Variants in ARHGAP28 observed in about 807,000 individuals in gnomAD.
The protein encoded by ARHGAP28 is rho GTPase-activating protein 28.
A neutral mutation model predicts 90.7 loss-of-function variants in ARHGAP28; 56 were observed. That is an observed-to-expected ratio of 0.62 (90% CI 0.50 to 0.77). The LOEUF (loss-of-function observed/expected upper bound fraction) is 0.77, where lower values mean the gene tolerates loss of function less well. ARHGAP28 is among the 30% of genes least tolerant of loss of function. The pLI, the probability that ARHGAP28 is intolerant of heterozygous loss-of-function variation, is 0.00. For missense variants in ARHGAP28, 869 were observed against 900.9 expected (o/e 0.96, Z 0.45); for synonymous variants, 308 against 323.3 (o/e 0.95, Z 0.51).
intron 5 of ARHGAP28, among the ~76,000 whole-genome samples, chr18:6,863,850 T>C (rs925304737): frequency 5.4e-4 from 81 of 151,338 alleles, no homozygotes; most frequent in African/African-American, 1.9e-3. Flanking sequence ...TGGCGCGATC[T>C]CGGCTCACTG....
chr18:6,846,662 C>T (rs900290383), intron 3 of ARHGAP28, among the ~76,000 whole-genome samples: 1 of 152,316 alleles, frequency 6.6e-6, no homozygotes, highest in African/African-American at 2.4e-5. Context: ...CTGCTGTCCC[C>T]ATTCCCCTTA....
intron 1 of ARHGAP28, among the ~76,000 whole-genome samples, chr18:6,767,541 G>A (rs2143381207): frequency 6.6e-6 from 1 of 152,030 alleles, no homozygotes; most frequent in South Asian, 2.1e-4. Context: ...GTCTAAAAAA[G>A]TATTTATCTA....
chr18:6,855,177 C>T (rs2056943130), intron 4 of ARHGAP28, among the ~76,000 whole-genome samples: 1 of 152,178 alleles, frequency 6.6e-6, no homozygotes. Flanking sequence ...TGAAACCTCA[C>T]CTTCAAGCCA....
chr18:6,810,450 T>A (rs531929620), intron 1 of ARHGAP28, among the ~76,000 whole-genome samples: 1 of 152,170 alleles, frequency 6.6e-6, no homozygotes, highest in East Asian at 1.9e-4. Flanking sequence ...GATAGAGATG[T>A]TCAGTGGGCT....
At chr18:6,742,253 A>G (rs1006695397) in intron 1 of ARHGAP28, among the ~76,000 whole-genome samples, 2 of 150,656 alleles carry the variant, frequency 1.3e-5, no homozygotes, top group Non-Finnish European at 2.9e-5. Flanking sequence ...TGCAACCTCA[A>G]CTTCCTGGGT....
intron 1 of ARHGAP28, chr18:6,790,563 A>C (rs549567217): frequency 7.2e-5 from 11 of 152,322 alleles, no homozygotes; most frequent in African/African-American, 2.6e-4. Flanking sequence ...GATATACTGC[A>C]CTGGGAGAAA....
intron 16 of ARHGAP28, among the ~76,000 whole-genome samples, chr18:6,907,066 C>T (rs541070171): frequency 2.2e-4 from 33 of 152,216 alleles, no homozygotes; most frequent in African/African-American, 6.0e-4. Context: ...TGTTCAACAT[C>T]GTTGGCCATT....
rs559621066 is a variant in ARHGAP28, at chr18:6,744,038, GA to G, written c.122+14104del. ...TGAATGGTTCAATGAATGAATGATTGAAAAAAAAAGCATAAGATACTCTGGG... is the reference window on the plus strand; with the variant it reads ...TGAATGGTTCAATGAATGAATGATTGAAAAAAAAGCATAAGATACTCTGGG... On this transcript the variant is annotated intron_variant, in intron 1 of 17. Transcript: ENST00000383472. Among the ~76,000 whole-genome samples the G allele has an allele frequency of 7.3e-5, 11 of 150,544 alleles. 1 individual carries two copies. Among genetic ancestry groups the G allele is most frequent in the Admixed American group, 4.6e-4 (7 of 15,134 alleles).
At chr18:6,902,311 A>G (rs1272669833) in intron 16 of ARHGAP28, among the ~76,000 whole-genome samples, 1 of 152,196 alleles carries the variant, frequency 6.6e-6, no homozygotes, top group Non-Finnish European at 1.5e-5. Flanking sequence ...AATATTAGAT[A>G]TTTATAATGG....
intron 1 of ARHGAP28, among the ~76,000 whole-genome samples, chr18:6,821,982 G>A (rs1173639659): frequency 1.3e-5 from 2 of 151,642 alleles, no homozygotes. Flanking sequence ...CTGCTTGTTT[G>A]TCTAATTTCT....
intron 5 of ARHGAP28, among the ~76,000 whole-genome samples, chr18:6,866,541 C>T (rs1017346041): frequency 1.3e-5 from 2 of 152,152 alleles, no homozygotes; most frequent in African/African-American, 4.8e-5. Flanking sequence ...GCACCTCTTC[C>T]CTCTCAATCG....
intron 1 of ARHGAP28, among the ~76,000 whole-genome samples, chr18:6,747,374 G>A (rs900093549): frequency 3.3e-5 from 5 of 152,144 alleles, no homozygotes; most frequent in Admixed American, 6.5e-5. Flanking sequence ...CAGGTTGGAT[G>A]TATTTAGAGA....
chr18:6,887,430 G>GTTTT (rs10651246), intron 12 of ARHGAP28, among the ~76,000 whole-genome samples, 191 bp downstream of exon 12: 32 of 138,112 alleles, frequency 2.3e-4, no homozygotes, highest in African/African-American at 4.3e-4. Flanking sequence ...TTGGTATCTT[G>GTTTT]TTTTTTTTTT....
chr18:6,743,267 C>T (rs754357731), intron 1 of ARHGAP28, among the ~76,000 whole-genome samples: 6 of 152,158 alleles, frequency 3.9e-5, no homozygotes, highest in Non-Finnish European at 7.4e-5. Flanking sequence ...TTTGATAATA[C>T]GTTTTTGCTT....
At chr18:6,874,411 C>A (rs2057115366) in intron 9 of ARHGAP28, among the ~76,000 whole-genome samples, 1 of 152,102 alleles carries the variant, frequency 6.6e-6, no homozygotes, top group Non-Finnish European at 1.5e-5. Flanking sequence ...ATCTCTGTGA[C>A]TATTGTTGCT....
chr18:6,848,033 C>T (rs2056880311), intron 3 of ARHGAP28, among the ~76,000 whole-genome samples: 1 of 152,106 alleles, frequency 6.6e-6, no homozygotes, highest in Admixed American at 6.5e-5. Flanking sequence ...GGGGGTTGAT[C>T]ATGTAGGCAC....
At chr18:6,810,668 C>T (rs548833639) in intron 1 of ARHGAP28, among the ~76,000 whole-genome samples, 2 of 152,090 alleles carry the variant, frequency 1.3e-5, no homozygotes, top group South Asian at 2.1e-4. Flanking sequence ...AATGTATCAT[C>T]GTATAGGTTA....
intron 9 of ARHGAP28, among the ~76,000 whole-genome samples, chr18:6,875,728 A>G (rs2057126076): frequency 1.3e-5 from 2 of 152,206 alleles, no homozygotes; most frequent in African/African-American, 2.4e-5. Context: ...TAGAATTCCT[A>G]TAGTTTCTTA....
At chr18:6,777,802 GAGA>G (rs2056296636) in intron 1 of ARHGAP28, among the ~76,000 whole-genome samples, 1 of 152,136 alleles carries the variant, frequency 6.6e-6, no homozygotes, top group Admixed American at 6.5e-5. Context: ...GCCTGTAAGT[GAGA>G]AGAATGGACA....
Sources: allele counts gnomAD v4.1 joint callset (sites outside exome capture counted in the v4.1 genomes callset), GRCh38; gene constraint gnomAD v4.1.1; transcripts MANE v1.5; gene names NCBI Gene and HGNC (gene_info 2026-07-23, HGNC 2026-07-21).